The following DMXL2 variants were observed in gnomAD, a reference collection of about 807,000 sequenced individuals.
The protein encoded by DMXL2 is dmX-like protein 2.
In DMXL2, 103 loss-of-function variants were observed where a neutral mutation model predicts 331.1. That is an observed-to-expected ratio of 0.31 (90% CI 0.27 to 0.37). DMXL2 has a LOEUF of 0.37. Ranked by LOEUF, DMXL2 falls within the 10% of genes least tolerant of loss-of-function variation. The pLI, the probability that DMXL2 is intolerant of heterozygous loss-of-function variation, is 1.00. For missense variants in DMXL2, 3,171 were observed against 3,642.9 expected (o/e 0.87, Z 3.33); for synonymous variants, 1,281 against 1,252.1 (o/e 1.02, Z -0.49).
At chr15:51,494,047 T>C (rs1387333616) in intron 19 of DMXL2, among the ~76,000 whole-genome samples, 1 of 152,216 alleles carries the variant, frequency 6.6e-6, no homozygotes, top group African/African-American at 2.4e-5. Flanking sequence ...TTCATGCCTT[T>C]TGATTCAGTA....
chr15:51,519,654 T>G (rs946046087), intron 13 of DMXL2, among the ~76,000 whole-genome samples: 2 of 147,210 alleles, frequency 1.4e-5, no homozygotes, highest in African/African-American at 5.0e-5. Flanking sequence ...TTTTTTTTTT[T>G]TTTTTGAGAT....
intron 1 of DMXL2, among the ~76,000 whole-genome samples, chr15:51,587,928 A>T (rs1003193791): frequency 1.3e-5 from 2 of 152,178 alleles, no homozygotes; most frequent in Admixed American, 1.3e-4. Context: ...AGTGATGATG[A>T]GCATTTTTTC....
At chr15:51,593,270 C>A (rs942917331) in intron 1 of DMXL2, among the ~76,000 whole-genome samples, 10 of 152,122 alleles carry the variant, frequency 6.6e-5, no homozygotes, top group African/African-American at 2.4e-4. Context: ...CAATCCTAGT[C>A]TCTGATAAAA....
chr15:51,466,687 T>G (rs2040608335), intron 29 of DMXL2, among the ~76,000 whole-genome samples: 1 of 151,900 alleles, frequency 6.6e-6, no homozygotes, highest in African/African-American at 2.4e-5. Context: ...TGAAGGAAAT[T>G]ATAAATCTTT....
chr15:51,587,153 T>C (rs1035849679), intron 1 of DMXL2, among the ~76,000 whole-genome samples: 2 of 152,242 alleles, frequency 1.3e-5, no homozygotes, highest in Non-Finnish European at 2.9e-5. Flanking sequence ...AAATAGCTAC[T>C]TCTAAAGAAA....
chr15:51,593,479 C>A (rs1233003041), intron 1 of DMXL2, among the ~76,000 whole-genome samples: 1 of 152,146 alleles, frequency 6.6e-6, no homozygotes, highest in African/African-American at 2.4e-5. Context: ...GACTTTAACA[C>A]CCCACTGTCA....
chr15:51,595,013 G>C (rs1215251853), intron 1 of DMXL2, among the ~76,000 whole-genome samples: 2 of 152,152 alleles, frequency 1.3e-5, no homozygotes, highest in African/African-American at 2.4e-5. Context: ...ACTGGCACAA[G>C]ACAGGGATGT....
At chr15:51,528,880 C>G (rs1004876513) in intron 13 of DMXL2, among the ~76,000 whole-genome samples, 1 of 152,096 alleles carries the variant, frequency 6.6e-6, no homozygotes. Context: ...AGTCTTAAAA[C>G]ATTTTAAGAA....
chr15:51,594,436 C>CA (rs926045615), intron 1 of DMXL2, among the ~76,000 whole-genome samples: 2 of 152,002 alleles, frequency 1.3e-5, no homozygotes, highest in African/African-American at 4.8e-5. Flanking sequence ...GCTTACCAAC[C>CA]AAAAAAATCC....
chr15:51,456,760 C>T (rs577640969), intron 37 of DMXL2, among the ~76,000 whole-genome samples: 1 of 152,318 alleles, frequency 6.6e-6, no homozygotes, highest in South Asian at 2.1e-4. Context: ...ATGAATTCCC[C>T]TTTAACTTTG....
chr15:51,618,813 C>A (rs1460586535), intron 1 of DMXL2, among the ~76,000 whole-genome samples: 1 of 152,182 alleles, frequency 6.6e-6, no homozygotes, highest in African/African-American at 2.4e-5. Flanking sequence ...TTCCCAACTA[C>A]AATCTCTTCC....
chr15:51,498,504 A>G (rs1010618313), intron 18 of DMXL2, 48 bp downstream of exon 18: 7 of 1,543,098 alleles, frequency 4.5e-6, no homozygotes, highest in African/African-American at 4.2e-5. Context: ...GATAATACAA[A>G]TATTTCTATT....
intron 1 of DMXL2, among the ~76,000 whole-genome samples, chr15:51,600,882 T>C (rs537192598): frequency 1.3e-5 from 2 of 152,326 alleles, no homozygotes; most frequent in South Asian, 4.1e-4. Flanking sequence ...CCATCTCATA[T>C]GGTCATATCC....
chr15:51,468,982 G>GA (rs2040850691), intron 29 of DMXL2, among the ~76,000 whole-genome samples: 1 of 150,902 alleles, frequency 6.6e-6, no homozygotes, highest in Admixed American at 6.6e-5. Context: ...AGAGAGAGAG[G>GA]TGGAGCCTAT....
intron 1 of DMXL2, among the ~76,000 whole-genome samples, chr15:51,604,844 A>G (rs1464274015): frequency 9.2e-5 from 14 of 152,254 alleles, no homozygotes; most frequent in African/African-American, 3.4e-4. Flanking sequence ...TATAAGACTT[A>G]CCATAAAGTC....
intron 19 of DMXL2, among the ~76,000 whole-genome samples, chr15:51,493,797 C>T (rs566933057): frequency 6.6e-6 from 1 of 152,252 alleles, no homozygotes; most frequent in African/African-American, 2.4e-5. Flanking sequence ...CTTAAGAGAA[C>T]GTGGAGATAC....
Position 51,576,053 on chromosome 15 carries a change from T to C in DMXL2, c.213+3A>G, listed in dbSNP as rs770998973. The stretch of plus-strand genomic sequence containing the variant: ...CATTCAGTAAAGAAATTAAATCCCT[T>C]ACTCTTCCTTGTTGGTTAGAACACT... On this transcript the variant is annotated splice_donor_region_variant and intron_variant, in intron 2 of 43. Coordinates refer to ENST00000560891, the MANE Select transcript of DMXL2 (RefSeq NM_001378457.1). 1.3e-6 allele frequency: 2 copies of C among 1,598,078 alleles called. No individual in the cohort carries two copies. Among genetic ancestry groups the C allele is most frequent in the South Asian group, 1.1e-5 (1 of 88,346 alleles).
In DMXL2 at chr15:51,456,075, T is replaced by C. The variant is rs1230132767; in HGVS notation, c.8517A>G (p.Gln2839=). 1 of 1,614,058 alleles carries C rather than the reference T, an allele frequency of 6.2e-7. No homozygotes were observed. Among genetic ancestry groups the C allele is most frequent in the Non-Finnish European group, 8.5e-7 (1 of 1,180,016 alleles). The change falls in exon 39 of 44, where the codon CAA becomes CAG. Residue 2839 remains glutamine (Q), a synonymous_variant. Transcript: ENST00000560891. The part of the protein sequence containing the change: ...ARVTRLYFNS[Q]GNKCGVADGE... Reference sequence around the variant, plus strand: ...GCCCCCAGAAACTAACCTTGTTGCCTTGTGAATTAAAATATAATCTAGTAA... The same window carrying C: ...GCCCCCAGAAACTAACCTTGTTGCCCTGTGAATTAAAATATAATCTAGTAA...
intron 15 of DMXL2, among the ~76,000 whole-genome samples, chr15:51,508,056 C>T (rs1380986826): frequency 1.3e-5 from 2 of 151,970 alleles, no homozygotes; most frequent in African/African-American, 4.8e-5. Context: ...AAAATTGTGG[C>T]CTCTAACCAT....
Sources: allele counts gnomAD v4.1 joint callset (sites outside exome capture counted in the v4.1 genomes callset), GRCh38; gene constraint gnomAD v4.1.1; transcripts MANE v1.5; gene names NCBI Gene and HGNC (gene_info 2026-07-23, HGNC 2026-07-21).